Variants in CNTNAP2 observed in about 807,000 individuals in gnomAD.
CNTNAP2 encodes contactin associated protein 2, also known as contactin-associated protein-like 2.
Under a neutral mutation model 155.2 loss-of-function variants are expected in CNTNAP2, and 98 were observed. The ratio of observed to expected loss-of-function variants is 0.63; its 90% CI spans 0.54 to 0.75. CNTNAP2 has a LOEUF of 0.75. CNTNAP2 is among the 30% of genes least tolerant of loss of function. The probability of loss-of-function intolerance (pLI) is 0.00; values close to 1 mark genes in which losing one functional copy is unlikely to be tolerated. For synonymous variants in CNTNAP2, 651 were observed against 631.2 expected (o/e 1.03, Z -0.47); for missense variants, 1,727 against 1,688.1 (o/e 1.02, Z -0.40).
intron 1 of CNTNAP2, among the ~76,000 whole-genome samples, chr7:146,735,934 A>G (rs1387640901): frequency 6.6e-6 from 1 of 152,106 alleles, no homozygotes; most frequent in Non-Finnish European, 1.5e-5. Flanking sequence ...AGAGATGATA[A>G]ATGTTCCAAG....
At chr7:147,279,411 C>A (rs1253023232) in intron 8 of CNTNAP2, among the ~76,000 whole-genome samples, 2 of 151,708 alleles carry the variant, frequency 1.3e-5, no homozygotes, top group Non-Finnish European at 3.0e-5. Flanking sequence ...ATTTGATGAA[C>A]TTAGGCGATG....
chr7:147,104,863 C>T (rs1466168019), intron 4 of CNTNAP2, among the ~76,000 whole-genome samples: 12 of 140,354 alleles, frequency 8.5e-5, no homozygotes, highest in Admixed American at 3.7e-4. Context: ...ATTCTTCTCC[C>T]TTCCTCCCTC....
chr7:147,808,619 G>A (rs1798130357), intron 13 of CNTNAP2, among the ~76,000 whole-genome samples: 1 of 152,120 alleles, frequency 6.6e-6, no homozygotes, highest in Non-Finnish European at 1.5e-5. Flanking sequence ...TGCCTCCAAT[G>A]TTACTTCTCT....
intron 3 of CNTNAP2, among the ~76,000 whole-genome samples, chr7:146,901,441 A>T (rs1795992736): frequency 6.6e-6 from 1 of 152,238 alleles, no homozygotes; most frequent in Non-Finnish European, 1.5e-5. Context: ...ATGAATACAC[A>T]GGGAAAGAAT....
chr7:146,611,064 A>T (rs1364040134), intron 1 of CNTNAP2, among the ~76,000 whole-genome samples: 3 of 152,210 alleles, frequency 2.0e-5, no homozygotes, highest in African/African-American at 7.2e-5. Flanking sequence ...CATTAAAATG[A>T]TAGTTGTGTA....
At chr7:146,672,981 A>G (rs1800335065) in intron 1 of CNTNAP2, among the ~76,000 whole-genome samples, 1 of 152,266 alleles carries the variant, frequency 6.6e-6, no homozygotes, top group Non-Finnish European at 1.5e-5. Context: ...AGATTTGGTT[A>G]CTACCTACTG....
At position 147,604,313 on chromosome 7, in the gene CNTNAP2, C is replaced by T. The variant is rs138323187; in HGVS notation, c.1898-34793C>T. The stretch of plus-strand genomic sequence containing the variant: ...CCTACAAAATGGGAGAAAATTTTCA[C>T]AACCTACTCATCTGACAAAGGGCTA... On this transcript the variant is annotated intron_variant, in intron 12 of 23. Transcript: ENST00000361727. Among the ~76,000 whole-genome samples, 967 of 152,076 alleles carry T rather than the reference C, an allele frequency of 6.4e-3. 10 individuals carry two copies. Among genetic ancestry groups the T allele is most frequent in the African/African-American group, 0.022 (925 of 41,498 alleles).
chr7:146,923,708 A>G (rs566492811), intron 3 of CNTNAP2, among the ~76,000 whole-genome samples: 2 of 152,064 alleles, frequency 1.3e-5, no homozygotes, highest in Non-Finnish European at 2.9e-5. Context: ...TTATTATCGC[A>G]TTCGTCATTA....
intron 1 of CNTNAP2, among the ~76,000 whole-genome samples, chr7:146,336,474 AT>A (rs1179638657): frequency 6.6e-6 from 1 of 152,062 alleles, no homozygotes; most frequent in Non-Finnish European, 1.5e-5. Flanking sequence ...ATCGAGGCAC[AT>A]TTTTGAGCCC....
At chr7:146,581,717 A>G (rs559859258) in intron 1 of CNTNAP2, among the ~76,000 whole-genome samples, 28 of 152,032 alleles carry the variant, frequency 1.8e-4, no homozygotes, top group Admixed American at 1.4e-3. Context: ...GACATTTTTC[A>G]TATAAAATTA....
At chr7:146,558,957 T>G (rs966760336) in intron 1 of CNTNAP2, among the ~76,000 whole-genome samples, 1 of 152,214 alleles carries the variant, frequency 6.6e-6, no homozygotes, top group African/African-American at 2.4e-5. Flanking sequence ...TGACAATTTC[T>G]GCAGTATGTT....
chr7:146,293,972 T>A (rs974843472), intron 1 of CNTNAP2, among the ~76,000 whole-genome samples: 3 of 152,168 alleles, frequency 2.0e-5, no homozygotes, highest in African/African-American at 7.2e-5. Flanking sequence ...CAAAAATTTG[T>A]TCTAGGAGGA....
rs140267278 is a variant in CNTNAP2, at chr7:146,899,234, T to A, written c.402+59330T>A. ...TAGGCCCATGGCTTTAATCTCATGT[T>A]GCTGACTTCCCAAATTCCATCTCCA... On this transcript the variant is annotated intron_variant, in intron 3 of 23. Transcript: ENST00000361727. Among the ~76,000 whole-genome samples the A allele has an allele frequency of 4.1e-3, 619 of 152,304 alleles. 4 individuals are homozygous for A. The highest frequency in any genetic ancestry group is 0.014 in the African/African-American group (584 of 41,564).
At chr7:147,004,850 C>G (rs1197823928) in intron 3 of CNTNAP2, among the ~76,000 whole-genome samples, 1 of 151,806 alleles carries the variant, frequency 6.6e-6, no homozygotes, top group Non-Finnish European at 1.5e-5. Flanking sequence ...TAAAACGAAT[C>G]AACTAGATAA....
intron 3 of CNTNAP2, among the ~76,000 whole-genome samples, chr7:146,946,611 A>G (rs1400902804): frequency 6.6e-6 from 1 of 152,178 alleles, no homozygotes; most frequent in Non-Finnish European, 1.5e-5. Flanking sequence ...GGTTGGTGCA[A>G]AAGTAATTAC....
intron 13 of CNTNAP2, among the ~76,000 whole-genome samples, chr7:147,878,982 A>C (rs1799472487): frequency 6.6e-6 from 1 of 152,218 alleles, no homozygotes; most frequent in African/African-American, 2.4e-5. Context: ...CGGTTTTCAC[A>C]ATGACACACA....
chr7:146,735,099 T>C (rs1422194696), intron 1 of CNTNAP2, among the ~76,000 whole-genome samples: 2 of 152,212 alleles, frequency 1.3e-5, no homozygotes, highest in Non-Finnish European at 2.9e-5. Context: ...GGAATGACCT[T>C]CACTGTAAGC....
At chr7:146,882,276 A>G (rs1795566922) in intron 3 of CNTNAP2, among the ~76,000 whole-genome samples, 1 of 152,054 alleles carries the variant, frequency 6.6e-6, no homozygotes, top group Non-Finnish European at 1.5e-5. Flanking sequence ...GAACATATGA[A>G]TGCATGTATC....
chr7:147,153,255 G>A (rs1801861072), intron 8 of CNTNAP2, among the ~76,000 whole-genome samples: 1 of 152,098 alleles, frequency 6.6e-6, no homozygotes, highest in South Asian at 2.1e-4. Context: ...GGAACAAAAA[G>A]CTTTCTGAAC....
Sources: gnomAD v4.1 joint callset for allele counts (sites outside exome capture counted in the v4.1 genomes callset) on GRCh38, gnomAD v4.1.1 for gene constraint, MANE v1.5 for transcripts, NCBI Gene and HGNC (gene_info 2026-07-23, HGNC 2026-07-21) for gene names.